MCHR2: variants seen among roughly 807,000 people sequenced by gnomAD.
MCHR2 encodes the protein melanin-concentrating hormone receptor 2.
A neutral mutation model predicts 24.8 loss-of-function variants in MCHR2; 15 were observed. The observed-to-expected ratio is 0.60, with a 90% CI of 0.40 to 0.93. MCHR2 has a LOEUF of 0.93. Ranked by LOEUF, MCHR2 falls within the 40% of genes least tolerant of loss-of-function variation. The pLI is 0.00. For synonymous variants in MCHR2, 151 were observed against 147.6 expected (o/e 1.02, Z -0.17); for missense variants, 386 against 408.7 (o/e 0.94, Z 0.48).
chr6:99,942,575 T>C (rs538263216), intron 4 of MCHR2, among the ~76,000 whole-genome samples: 1 of 152,286 alleles, frequency 6.6e-6, no homozygotes, highest in South Asian at 2.1e-4. Flanking sequence ...CATGTCTTTA[T>C]AGGGGACATA....
chr6:99,958,212 G>T (rs1263052879), intron 1 of MCHR2, among the ~76,000 whole-genome samples: 1 of 151,954 alleles, frequency 6.6e-6, no homozygotes, highest in African/African-American at 2.4e-5. Context: ...TATATGAAAA[G>T]ATGTCACTTT....
At chr6:99,929,275 G>T (rs1774446826) in intron 5 of MCHR2, among the ~76,000 whole-genome samples, 1 of 152,026 alleles carries the variant, frequency 6.6e-6, no homozygotes, top group South Asian at 2.1e-4. Flanking sequence ...GTCAATTTTG[G>T]AATAGGTGTG....
chr6:99,945,795 A>C (rs1340448945), intron 3 of MCHR2, among the ~76,000 whole-genome samples: 1 of 152,178 alleles, frequency 6.6e-6, no homozygotes, highest in Non-Finnish European at 1.5e-5. Flanking sequence ...GAAAGGGCAG[A>C]ATGTCTTAAA....
chr6:99,957,605 G>A (rs1455655202), intron 1 of MCHR2, among the ~76,000 whole-genome samples: 1 of 152,002 alleles, frequency 6.6e-6, no homozygotes, highest in African/African-American at 2.4e-5. Flanking sequence ...ATGAGACTTG[G>A]AGAGTAAGAA....
At chr6:99,935,271 T>G (rs958453466) in intron 4 of MCHR2, among the ~76,000 whole-genome samples, 4 of 152,082 alleles carry the variant, frequency 2.6e-5, no homozygotes, top group Admixed American at 2.6e-4. Flanking sequence ...TATTTTAAAG[T>G]ATAGTCATCC....
At chr6:99,921,449 A>C (rs1774228684) in intron 5 of MCHR2, among the ~76,000 whole-genome samples, 194 bp from the exon 6 acceptor site, 1 of 152,128 alleles carries the variant, frequency 6.6e-6, no homozygotes, top group African/African-American at 2.4e-5. Flanking sequence ...AAAGTTTCCA[A>C]AGCTGGAACT....
chr6:99,934,302 G>T, intron 5 of MCHR2, 96 bp downstream of exon 5: 1 of 1,247,840 alleles, frequency 8.0e-7, no homozygotes, highest in Non-Finnish European at 1.1e-6. Context: ...GTCTAAATGT[G>T]GTATGTTTCA....
At chr6:99,963,672 T>C (rs1775240669) in intron 1 of MCHR2, among the ~76,000 whole-genome samples, 1 of 152,098 alleles carries the variant, frequency 6.6e-6, no homozygotes, top group Non-Finnish European at 1.5e-5. Context: ...TTCTTTTTAA[T>C]CATAATAAGA....
intron 1 of MCHR2, among the ~76,000 whole-genome samples, chr6:99,988,774 C>T (rs1310244562): frequency 1.3e-5 from 2 of 152,210 alleles, no homozygotes. Flanking sequence ...TTAGAAGACA[C>T]ATCACTCCAT....
intron 1 of MCHR2, among the ~76,000 whole-genome samples, chr6:99,979,534 T>C (rs985737918): frequency 4.6e-5 from 7 of 152,228 alleles, no homozygotes; most frequent in African/African-American, 1.7e-4. Flanking sequence ...AAATAAATCC[T>C]TAATAATTAC....
intron 1 of MCHR2, among the ~76,000 whole-genome samples, chr6:99,992,129 G>C (rs1775893718): frequency 6.6e-6 from 1 of 152,238 alleles, no homozygotes; most frequent in South Asian, 2.1e-4. Flanking sequence ...CACTGCGGAA[G>C]GCAGAGGCAT....
At chr6:99,953,708 T>C (rs1453539453) in intron 2 of MCHR2, among the ~76,000 whole-genome samples, 1 of 151,824 alleles carries the variant, frequency 6.6e-6, no homozygotes, top group Non-Finnish European at 1.5e-5. Flanking sequence ...GGTATTTTCA[T>C]AAACCCTAGG....
intron 1 of MCHR2, among the ~76,000 whole-genome samples, chr6:99,965,064 A>G (rs1775268667): frequency 6.6e-6 from 1 of 152,156 alleles, no homozygotes; most frequent in Admixed American, 6.6e-5. Context: ...TCGTTAAGTG[A>G]TTCAGAAGGA....
At chr6:99,946,828 A>T (rs1176330246) in intron 3 of MCHR2, among the ~76,000 whole-genome samples, 1 of 152,160 alleles carries the variant, frequency 6.6e-6, no homozygotes, top group East Asian at 1.9e-4. Context: ...GTTGTCCTAG[A>T]AGACAGAGTA....
chr6:99,990,819 C>A (rs1196728927), intron 1 of MCHR2, among the ~76,000 whole-genome samples: 1 of 151,310 alleles, frequency 6.6e-6, no homozygotes, highest in Non-Finnish European at 1.5e-5. Context: ...AGACCCAATC[C>A]TGGACCCTGC....
rs529768659 is a variant in MCHR2, at chr6:99,978,750, T to C, written c.-28+15186A>G. Among the ~76,000 whole-genome samples, 36 of 152,190 alleles carry C rather than the reference T, an allele frequency of 2.4e-4. No homozygotes were observed. The South Asian group carries it at 6.8e-3, about 29-fold the overall frequency. On this transcript the variant is annotated intron_variant, in intron 1 of 5. Coordinates refer to ENST00000281806, the MANE Select transcript of MCHR2 (RefSeq NM_001040179.2). Reference sequence around the variant, plus strand: ...GTTCTTTAGAAGAAAAGCTCATCCATTGGCCCTCCCTGAAAGAGGATAGCA... The same window carrying C: ...GTTCTTTAGAAGAAAAGCTCATCCACTGGCCCTCCCTGAAAGAGGATAGCA...
At chr6:99,928,982 T>C (rs1337253168) in intron 5 of MCHR2, among the ~76,000 whole-genome samples, 3 of 152,206 alleles carry the variant, frequency 2.0e-5, no homozygotes, top group Non-Finnish European at 1.5e-5. Flanking sequence ...TTTAGTGCTA[T>C]AAATTTCCCT....
intron 1 of MCHR2, among the ~76,000 whole-genome samples, chr6:99,962,754 C>A (rs1326275653): frequency 6.6e-6 from 1 of 151,998 alleles, no homozygotes; most frequent in Non-Finnish European, 1.5e-5. Context: ...TGAGTCTACA[C>A]TGAACTAAAA....
chr6:99,921,134 T>A lies in MCHR2; in HGVS notation c.829A>T (p.Met277Leu). The A allele has an allele frequency of 1.2e-6, 2 of 1,614,178 alleles. No individual in the cohort carries two copies. Among genetic ancestry groups the A allele is most frequent in the Non-Finnish European group, 1.7e-6 (2 of 1,180,024 alleles). Residue 277 changes from methionine to leucine, a missense_variant, in exon 6 of 6, where the codon ATG becomes TTG. By Grantham distance (15) the Met-to-Leu change is conservative (BLOSUM62 2). Coordinates refer to ENST00000281806, the MANE Select transcript of MCHR2 (RefSeq NM_001040179.2). ...YHVIQLVNLQ[M>L]EQPTLAFYVG... The stretch of plus-strand genomic sequence containing the variant: ...TAGAAGGCCAGTGTGGGCTGTTCCA[T>A]CTGTAAGTTCACCAGTTGTATCACA...
Sources: allele counts gnomAD v4.1 joint callset (sites outside exome capture counted in the v4.1 genomes callset), GRCh38; gene constraint gnomAD v4.1.1; transcripts MANE v1.5; gene names NCBI Gene and HGNC (gene_info 2026-07-23, HGNC 2026-07-21).